The following ZNF638 variants were observed in gnomAD, a reference collection of about 807,000 sequenced individuals.
ZNF638 encodes CTCL tumor antigen se33-1.
In ZNF638, 46 loss-of-function variants were observed where a neutral mutation model predicts 195.6. That is an observed-to-expected ratio of 0.24 (90% CI 0.19 to 0.30). The LOEUF is 0.30. Among genes scored for constraint, ZNF638 ranks in the 10% least tolerant of loss-of-function variants. ZNF638 has a pLI of 1.00. For synonymous variants in ZNF638, 845 were observed against 772.0 expected (o/e 1.09, Z -1.57); for missense variants, 2,440 against 2,325.3 (o/e 1.05, Z -1.01).
chr2:71,391,394 C>T (rs1474366994), intron 10 of ZNF638, among the ~76,000 whole-genome samples: 5 of 152,170 alleles, frequency 3.3e-5, no homozygotes, highest in East Asian at 1.9e-4. Context: ...AAAGTACTTC[C>T]TCAAGGAATG....
Position 71,389,562 on chromosome 2 carries a change from CAT to C in ZNF638, c.2378-6577_2378-6576del, listed in dbSNP as rs544405127. Among the ~76,000 whole-genome samples the C allele has an allele frequency of 1.1e-4, 17 of 152,282 alleles. No homozygotes were observed. In the East Asian group the frequency reaches 3.3e-3, roughly 29 times the overall value. ...ACCAGAATCAATTGGCCGGGCAAAACATAACAGCTGCTATGCTTCAGGGGAGG... is the reference window on the plus strand; with the variant it reads ...ACCAGAATCAATTGGCCGGGCAAAACAACAGCTGCTATGCTTCAGGGGAGG... On this transcript the variant is annotated intron_variant, in intron 10 of 27. Coordinates refer to ENST00000264447, the MANE Select transcript of ZNF638 (RefSeq NM_014497.5).
At chr2:71,367,235 CTTTTTT>C (rs894522535) in intron 6 of ZNF638, among the ~76,000 whole-genome samples, 2 of 142,160 alleles carry the variant, frequency 1.4e-5, no homozygotes, top group African/African-American at 5.1e-5. Context: ...GGCAGTGGAA[CTTTTTT>C]TTTTTTAAGT....
Position 71,408,823 on chromosome 2 carries a change from CT to C in ZNF638, c.3261+577del, listed in dbSNP as rs551574621. Reference sequence around the variant, plus strand: ...TATGTGGTGTCCTTGTGTTGTCAATCTGTTAAAAATCTTGCACTATCTAAAG... The same window carrying C: ...TATGTGGTGTCCTTGTGTTGTCAATCGTTAAAAATCTTGCACTATCTAAAG... On this transcript the variant is annotated intron_variant, in intron 20 of 27. Coordinates refer to ENST00000264447, the MANE Select transcript of ZNF638 (RefSeq NM_014497.5). 1.1e-3 allele frequency: 397 copies of C among 349,022 alleles called. 1 individual carries two copies. Among genetic ancestry groups the C allele is most frequent in the African/African-American group, 8.3e-3 (374 of 45,112 alleles). The allele number at this position is 349,022 out of a possible 1,614,324, so 21.6% of individuals were successfully genotyped here.
At chr2:71,407,795 C>T (rs1014121636) in intron 19 of ZNF638, 3 of 170,342 alleles carry the variant, frequency 1.8e-5, no homozygotes, top group South Asian at 1.9e-4. Flanking sequence ...GTGACTGGCT[C>T]ATGTCACTTA....
At chr2:71,418,699 CTGTATTT>C in intron 21 of ZNF638, 60 bp downstream of exon 21, 2 of 1,201,352 alleles carry the variant, frequency 1.7e-6, no homozygotes, top group Non-Finnish European at 2.3e-6. Flanking sequence ...AATTTTATTG[CTGTATTT>C]TATAGTAATG....
rs1044458246 is a variant in ZNF638, at chr2:71,424,565, T to C, written c.4525-85T>C. The C allele has an allele frequency of 3.1e-5, 34 of 1,110,302 alleles. 1 individual carries two copies. The highest frequency in any genetic ancestry group is 4.1e-5 in the Non-Finnish European group (31 of 758,610). 68.8% of individuals were successfully genotyped at this position (1,110,302 alleles called of 1,614,324 possible). A position where few individuals can be genotyped will look rare whatever the true frequency, so the allele number is the denominator to read the frequency against. On this transcript the variant is annotated intron_variant, in intron 22 of 27. Transcript: ENST00000264447. Reference sequence around the variant, plus strand: ...TGTATTTGGGTAATGTTTACTGTTTTTTTTTGTTTTTTGTTTTTTTTTCCA... The same window carrying C: ...TGTATTTGGGTAATGTTTACTGTTTCTTTTTGTTTTTTGTTTTTTTTTCCA...
In ZNF638 at chr2:71,403,115, A is replaced by T. The variant is rs192768953; in HGVS notation, c.2830-755A>T. 2.0e-5 allele frequency among the ~76,000 whole-genome samples: 3 copies of T among 152,276 alleles called. No homozygotes were observed. The East Asian group carries it at 5.8e-4, about 29-fold the overall frequency. ...TTAAAATATTTGGAGACTTAATGAAAATACTTTAAACATTTATGAAATTAA... is the reference window on the plus strand; with the variant it reads ...TTAAAATATTTGGAGACTTAATGAATATACTTTAAACATTTATGAAATTAA... On this transcript the variant is annotated intron_variant, in intron 16 of 27. Coordinates refer to ENST00000264447, the MANE Select transcript of ZNF638 (RefSeq NM_014497.5).
intron 20 of ZNF638, among the ~76,000 whole-genome samples, chr2:71,409,551 T>A (rs1266965981): frequency 6.6e-6 from 1 of 152,216 alleles, no homozygotes; most frequent in Non-Finnish European, 1.5e-5. Flanking sequence ...CCATAACCTC[T>A]ACACTCACAG....
In ZNF638 at chr2:71,395,255, G is replaced by A. The variant is rs1271129822; in HGVS notation, c.2378-886G>A. On this transcript the variant is annotated intron_variant, in intron 10 of 27. Transcript: ENST00000264447. The stretch of plus-strand genomic sequence containing the variant: ...TTATTTACTAATTCTAGGATGCAAA[G>A]CCGGAATACGAGCAGTAATCGCTAC... 14 of 717,294 alleles carry A rather than the reference G, an allele frequency of 2.0e-5. No homozygotes were observed. The East Asian group carries it at 3.8e-4, about 19-fold the overall frequency. 44.4% of individuals were successfully genotyped at this position (717,294 alleles called of 1,614,324 possible). A position where few individuals can be genotyped will look rare whatever the true frequency, so the allele number is the denominator to read the frequency against.
chr2:71,386,763 A>G (rs1218127062), intron 10 of ZNF638, among the ~76,000 whole-genome samples: 4 of 152,216 alleles, frequency 2.6e-5, no homozygotes. Context: ...TTATAAAAAG[A>G]AAACTAAAAT....
At chr2:71,383,762 C>CTTTTTTTTTTTTTTTTTTTTTTTTT (rs1181570876) in intron 10 of ZNF638, among the ~76,000 whole-genome samples, 4 of 76,720 alleles carry the variant, frequency 5.2e-5, no homozygotes, top group Admixed American at 1.8e-4. Context: ...TTTTCTTTTT[C>CTTTTTTTTTTTTTTTTTTTTTTTTT]TTTTTTTTTT....
rs2080102141 is a variant in ZNF638, at chr2:71,406,186, G to T, written c.3059G>T (p.Gly1020Val). 6.2e-7 allele frequency: 1 copy of T among 1,613,644 alleles called. No homozygotes were observed. The highest frequency in any genetic ancestry group is 8.5e-7 in the Non-Finnish European group (1 of 1,179,654). The change falls in exon 19 of 28, where the codon GGA (glycine) becomes GTA (valine). Residue 1020 changes from glycine (G) to valine (V), a missense_variant. Around this residue, in one of 5 missense-constraint regions of ZNF638, gnomAD observed 1,883 missense variants for 1,739.1 expected, o/e 1.08. Coordinates refer to ENST00000264447, the MANE Select transcript of ZNF638 (RefSeq NM_014497.5). ...CATCTTGATAATTTACCGGAAGATG[G>T]ACTTCAGTGTGTACTTTGTGTTGGA... ...FVHLDNLPED[G>V]LQCVLCVGLQ...
chr2:71,338,065 C>T (rs1021544555), intron 1 of ZNF638, among the ~76,000 whole-genome samples: 2 of 152,114 alleles, frequency 1.3e-5, no homozygotes, highest in Non-Finnish European at 2.9e-5. Flanking sequence ...GGAGATTTAC[C>T]ATTTCCATTT....
chr2:71,421,771 CATT>C (rs1287160438), intron 21 of ZNF638, among the ~76,000 whole-genome samples: 1 of 152,268 alleles, frequency 6.6e-6, no homozygotes, highest in African/African-American at 2.4e-5. Context: ...TGCTGCTTCT[CATT>C]ATATGAATAT....
chr2:71,400,499 A>G lies in ZNF638; in HGVS notation c.2678A>G (p.Glu893Gly). ...TAAGATGCTGCTTTGGAGGCCACAGAGAATGAACCACTTAACAAGGTCAGT... is the reference window on the plus strand; with the variant it reads ...TAAGATGCTGCTTTGGAGGCCACAGGGAATGAACCACTTAACAAGGTCAGT... ...AISDAALEAT[E>G]NEPLNKETEE... The change falls in exon 15 of 28, where the codon GAG becomes GGG. Residue 893 changes from glutamate to glycine, a missense_variant. Transcript: ENST00000264447. The G allele has an allele frequency of 6.2e-7, 1 of 1,607,048 alleles. No homozygotes were observed. Among genetic ancestry groups the G allele is most frequent in the Non-Finnish European group, 8.5e-7 (1 of 1,177,576 alleles).
Position 71,435,013 on chromosome 2 carries a change from C to A in ZNF638, c.*206C>A, listed in dbSNP as rs1415191846. 14 of 447,754 alleles carry A rather than the reference C, an allele frequency of 3.1e-5. No individual in the cohort carries two copies. The highest frequency in any genetic ancestry group is 5.3e-5 in the Non-Finnish European group (13 of 247,226). The allele number at this position is 447,754 out of a possible 1,614,324, so 27.7% of individuals were successfully genotyped here. ...CAAATCATCAGGCATGGAGAAATAT[C>A]TTTTAGAAGTGTTAAAATAAATGTT... On this transcript the variant is annotated 3_prime_UTR_variant, in exon 28 of 28. Transcript: ENST00000264447.
intron 10 of ZNF638, among the ~76,000 whole-genome samples, chr2:71,382,999 G>C (rs1343308656): frequency 2.0e-5 from 3 of 152,142 alleles, no homozygotes; most frequent in African/African-American, 7.2e-5. Context: ...ATGTTATTTT[G>C]TTTAATCTTT....
intron 20 of ZNF638, among the ~76,000 whole-genome samples, chr2:71,411,633 A>G (rs1573144084): frequency 1.1e-5 from 1 of 94,814 alleles, no homozygotes; most frequent in African/African-American, 4.0e-5. Context: ...CCCTCCCCTG[A>G]CCCCACCACA....
At chr2:71,396,376 AATT>A (rs2079894159) in intron 11 of ZNF638, among the ~76,000 whole-genome samples, 185 bp downstream of exon 11, 1 of 152,222 alleles carries the variant, frequency 6.6e-6, no homozygotes, top group African/African-American at 2.4e-5. Flanking sequence ...CTTCTATAGT[AATT>A]ATTGAAATAA....
Sources: allele counts gnomAD v4.1 joint callset (sites outside exome capture counted in the v4.1 genomes callset), GRCh38; gene constraint gnomAD v4.1.1; regional missense constraint gnomAD v4.1.1; transcripts MANE v1.5; gene names NCBI Gene and HGNC (gene_info 2026-07-23, HGNC 2026-07-21).